Variants in RASGRP1 observed in about 807,000 individuals in gnomAD.
RASGRP1 encodes the protein RAS guanyl-releasing protein 1.
RASGRP1 carries 37 observed loss-of-function variants against 95.1 expected under a neutral mutation model. The ratio of observed to expected loss-of-function variants is 0.39; its 90% CI spans 0.30 to 0.51. RASGRP1 has a LOEUF of 0.51. Ranked by LOEUF, RASGRP1 falls within the 20% of genes least tolerant of loss-of-function variation. The pLI is 0.80. For missense variants in RASGRP1, 711 were observed against 965.4 expected (o/e 0.74, Z 3.49); for synonymous variants, 325 against 353.4 (o/e 0.92, Z 0.90).
chr15:38,543,127 A>G (rs1464745579), intron 2 of RASGRP1, among the ~76,000 whole-genome samples: 6 of 151,638 alleles, frequency 4.0e-5, no homozygotes, highest in African/African-American at 1.2e-4. Flanking sequence ...CATTGTCCTA[A>G]ATTTCCTTCT....
At position 38,564,726 on chromosome 15, in the gene RASGRP1, C is replaced by T. The variant is rs56413904; in HGVS notation, c.-98G>A. 172 of 1,060,186 alleles carry T rather than the reference C, an allele frequency of 1.6e-4. No individual in the cohort carries two copies. The African/African-American group carries it at 2.3e-3, about 14-fold the overall frequency. 65.7% of individuals were successfully genotyped at this position (1,060,186 alleles called of 1,614,324 possible). A position where few individuals can be genotyped will look rare whatever the true frequency, so the allele number is the denominator to read the frequency against. ...GCCGCCGCCTGCCGGCTCTCTCCCCCCCGGGCCTCGTAGCCCCGGCGCCCG... is the reference window on the plus strand; with the variant it reads ...GCCGCCGCCTGCCGGCTCTCTCCCCTCCGGGCCTCGTAGCCCCGGCGCCCG... On this transcript the variant is annotated 5_prime_UTR_variant, in exon 1 of 17. Transcript: ENST00000310803.
intron 9 of RASGRP1, among the ~76,000 whole-genome samples, chr15:38,507,014 TATG>T (rs1490342088): frequency 6.6e-6 from 1 of 152,216 alleles, no homozygotes; most frequent in Non-Finnish European, 1.5e-5. Context: ...AGAAAGAGGT[TATG>T]ATCATTATTC....
chr15:38,514,094 A>G (rs1464225779), intron 6 of RASGRP1, among the ~76,000 whole-genome samples: 2 of 152,156 alleles, frequency 1.3e-5, no homozygotes, highest in Non-Finnish European at 2.9e-5. Flanking sequence ...TTGCTTAATT[A>G]AGCCACTGAG....
At chr15:38,501,099 CTCT>C (rs1195189284) in intron 13 of RASGRP1, 41 bp downstream of exon 13, 1 of 1,545,792 alleles carries the variant, frequency 6.5e-7, no homozygotes, top group Admixed American at 2.0e-5. Context: ...GTATCCCACA[CTCT>C]TCCCCAAATT....
chr15:38,560,464 C>A (rs906483477), intron 1 of RASGRP1, among the ~76,000 whole-genome samples: 1 of 152,168 alleles, frequency 6.6e-6, no homozygotes. Flanking sequence ...GGTGTATCAC[C>A]TGAGGTCGGG....
chr15:38,515,775 C>T (rs1200099255), intron 6 of RASGRP1, among the ~76,000 whole-genome samples: 7 of 148,098 alleles, frequency 4.7e-5, no homozygotes, highest in South Asian at 2.2e-4. Flanking sequence ...TCCCCGCCCC[C>T]GCACCCCCCC....
At chr15:38,532,970 TGAAGGC>T (rs1250041737) in intron 2 of RASGRP1, among the ~76,000 whole-genome samples, 7 of 152,098 alleles carry the variant, frequency 4.6e-5, no homozygotes, top group African/African-American at 1.7e-4. Flanking sequence ...TTTCCTACAG[TGAAGGC>T]TTGTCTGGGG....
rs532726176 is a variant in RASGRP1, at chr15:38,525,302, T to G, written c.326+997A>C. Among the ~76,000 whole-genome samples, 4 of 152,202 alleles carry G rather than the reference T, an allele frequency of 2.6e-5. No homozygotes were observed. In the South Asian group the frequency reaches 6.2e-4, roughly 24 times the overall value. The stretch of plus-strand genomic sequence containing the variant: ...ACAATTTAGTCCCTAGGCCAACAAA[T>G]AAGTTTTTAGGGAGGAATATTTAAT... On this transcript the variant is annotated intron_variant, in intron 3 of 16. Transcript: ENST00000310803.
intron 2 of RASGRP1, among the ~76,000 whole-genome samples, chr15:38,536,244 T>A (rs1275644046): frequency 2.6e-5 from 4 of 152,116 alleles, no homozygotes. Context: ...TGCAGCACTA[T>A]AGACATGAGC....
chr15:38,547,767 T>C (rs1398761307), intron 2 of RASGRP1, among the ~76,000 whole-genome samples: 1 of 152,194 alleles, frequency 6.6e-6, no homozygotes, highest in Admixed American at 6.5e-5. Context: ...AAGACTGCCA[T>C]GTGACGTGGC....
At chr15:38,528,217 T>C (rs1025525371) in intron 2 of RASGRP1, among the ~76,000 whole-genome samples, 2 of 152,274 alleles carry the variant, frequency 1.3e-5, no homozygotes, top group African/African-American at 2.4e-5. Context: ...TCCATTGTCA[T>C]TGAAATATGC....
chr15:38,558,913 C>A (rs1057159697), intron 2 of RASGRP1, among the ~76,000 whole-genome samples: 1 of 152,088 alleles, frequency 6.6e-6, no homozygotes, highest in Non-Finnish European at 1.5e-5. Context: ...CCTTAGGTTC[C>A]CAGGAGGCTC....
intron 14 of RASGRP1, chr15:38,499,264 T>C (rs1595822374): frequency 6.8e-6 from 3 of 443,492 alleles, no homozygotes; most frequent in African/African-American, 2.0e-5. Flanking sequence ...ACTCAGCTGT[T>C]AGGTCTTATT....
chr15:38,512,962 G>C lies in RASGRP1; in HGVS notation c.676-6C>G, dbSNP rs760678648. ...TAATTCTGATAATCAGAGAACTGCAGGAAAAGAAACAACAACAACAAAAAA... is the reference window on the plus strand; with the variant it reads ...TAATTCTGATAATCAGAGAACTGCACGAAAAGAAACAACAACAACAAAAAA... On this transcript the variant is annotated splice_polypyrimidine_tract_variant and splice_region_variant and intron_variant, in intron 6 of 16. Transcript: ENST00000310803. 7.9e-6 allele frequency: 12 copies of C among 1,510,484 alleles called. No individual in the cohort carries two copies. Among genetic ancestry groups the C allele is most frequent in the Non-Finnish European group, 1.1e-5 (12 of 1,132,708 alleles). The allele number at this position is 1,510,484 out of a possible 1,614,324, so 93.6% of individuals were successfully genotyped here.
At chr15:38,534,876 G>C (rs1257014992) in intron 2 of RASGRP1, among the ~76,000 whole-genome samples, 1 of 152,212 alleles carries the variant, frequency 6.6e-6, no homozygotes, top group East Asian at 1.9e-4. Flanking sequence ...CAGAGTAGTA[G>C]AGCAGGAAGG....
chr15:38,535,747 T>C (rs1271418973), intron 2 of RASGRP1, among the ~76,000 whole-genome samples: 6 of 152,222 alleles, frequency 3.9e-5, no homozygotes, highest in Non-Finnish European at 8.8e-5. Flanking sequence ...AGTCTATAAA[T>C]GTCTAACCAA....
Position 38,501,212 on chromosome 15 carries a change from CA to C in RASGRP1, c.1613del (p.Leu538ArgfsTer13). On this transcript the variant is annotated frameshift_variant, in exon 13 of 17. Transcript: ENST00000310803. LOFTEE classifies it high-confidence loss of function. ...TCTCTTGGAAGTTGTGAGGAAAGCC[CA>C]GGCCCAGCTTGGAATAGATTGAGCT... ...RASSIYSKLGLGFPHNFQETT... is the reference protein window; with the variant it reads ...RASSIYSKLGXGFPHNFQETT... 1 of 1,613,188 alleles carries C rather than the reference CA, an allele frequency of 6.2e-7. No individual in the cohort carries two copies. The highest frequency in any genetic ancestry group is 8.5e-7 in the Non-Finnish European group (1 of 1,179,366).
intron 6 of RASGRP1, among the ~76,000 whole-genome samples, chr15:38,515,845 G>A (rs540776578): frequency 2.9e-4 from 42 of 146,580 alleles, no homozygotes; most frequent in African/African-American, 9.4e-4. Context: ...GATTATCAGG[G>A]GTATGAGGAT....
chr15:38,505,738 T>C (rs55748438), intron 10 of RASGRP1, 102 bp downstream of exon 10: 11,283 of 881,520 alleles, frequency 0.013, 105 homozygotes, highest in Non-Finnish European at 0.018. Context: ...AAACAGTACA[T>C]GTATTAAACT....
Sources: gnomAD v4.1 joint callset for allele counts (sites outside exome capture counted in the v4.1 genomes callset) on GRCh38, gnomAD v4.1.1 for gene constraint, MANE v1.5 for transcripts, NCBI Gene and HGNC (gene_info 2026-07-23, HGNC 2026-07-21) for gene names.